The following IGSF11 variants were observed in gnomAD, a reference collection of about 807,000 sequenced individuals.
The protein encoded by IGSF11 is CXADR like 1.
Under a neutral mutation model 41.0 loss-of-function variants are expected in IGSF11, and 22 were observed. The observed-to-expected ratio is 0.54, with a 90% CI of 0.38 to 0.77. The LOEUF is 0.77. Ranked by LOEUF, IGSF11 falls within the 30% of genes least tolerant of loss-of-function variation. IGSF11 has a pLI of 0.00. For missense variants in IGSF11, 444 were observed against 530.8 expected (o/e 0.84, Z 1.61); for synonymous variants, 219 against 201.3 (o/e 1.09, Z -0.74).
At chr3:119,045,526 C>A (rs1209269616) in intron 1 of IGSF11, among the ~76,000 whole-genome samples, 2 of 152,162 alleles carry the variant, frequency 1.3e-5, no homozygotes, top group Non-Finnish European at 2.9e-5. Context: ...GCTAGCACAG[C>A]AGTCTGAGAT....
At chr3:119,056,799 G>C (rs1465540789) in intron 1 of IGSF11, among the ~76,000 whole-genome samples, 1 of 152,170 alleles carries the variant, frequency 6.6e-6, no homozygotes, top group Non-Finnish European at 1.5e-5. Flanking sequence ...TCATCCCTGG[G>C]ATGCAAGGCT....
At chr3:119,143,879 T>C (rs2077682489) in intron 1 of IGSF11, among the ~76,000 whole-genome samples, 1 of 152,210 alleles carries the variant, frequency 6.6e-6, no homozygotes, top group Non-Finnish European at 1.5e-5. Flanking sequence ...GTGCATTATA[T>C]ATTGATAAAA....
intron 4 of IGSF11, among the ~76,000 whole-genome samples, chr3:118,906,060 T>C (rs1014003502): frequency 2.0e-5 from 3 of 152,222 alleles, no homozygotes; most frequent in Non-Finnish European, 4.4e-5. Context: ...ATTCTAGTTC[T>C]GAGGAACTGC....
intron 1 of IGSF11, among the ~76,000 whole-genome samples, chr3:119,114,490 C>T (rs1352509556): frequency 1.3e-5 from 2 of 152,214 alleles, no homozygotes; most frequent in Non-Finnish European, 2.9e-5. Flanking sequence ...AGGGCAGAGG[C>T]ACAATGCCTC....
At chr3:119,078,066 A>T (rs2076529546) in intron 1 of IGSF11, among the ~76,000 whole-genome samples, 1 of 152,196 alleles carries the variant, frequency 6.6e-6, no homozygotes, top group African/African-American at 2.4e-5. Context: ...ACTAGAAAAC[A>T]TCGATATTAT....
At chr3:118,905,244 C>A (rs540989159) in intron 5 of IGSF11, among the ~76,000 whole-genome samples, 5 of 152,114 alleles carry the variant, frequency 3.3e-5, no homozygotes, top group Admixed American at 2.6e-4. Flanking sequence ...AACCTAGACA[C>A]CCCAAAATTT....
At chr3:119,128,013 A>G (rs138895146) in intron 1 of IGSF11, among the ~76,000 whole-genome samples, 5 of 152,324 alleles carry the variant, frequency 3.3e-5, no homozygotes, top group Non-Finnish European at 5.9e-5. Context: ...CAAAACAACC[A>G]AAGAGCATCA....
At chr3:119,117,415 G>C (rs1231831081) in intron 1 of IGSF11, among the ~76,000 whole-genome samples, 3 of 152,188 alleles carry the variant, frequency 2.0e-5, no homozygotes, top group African/African-American at 7.2e-5. Flanking sequence ...CAGGCAAAGA[G>C]AGCTTGTGCA....
At chr3:119,102,790 C>T (rs965327483) in intron 1 of IGSF11, among the ~76,000 whole-genome samples, 2 of 151,954 alleles carry the variant, frequency 1.3e-5, no homozygotes, top group African/African-American at 4.8e-5. Context: ...ATCTAGTTTT[C>T]TTTCGGCTTC....
At chr3:119,056,714 A>C (rs993950746) in intron 1 of IGSF11, among the ~76,000 whole-genome samples, 41 of 152,208 alleles carry the variant, frequency 2.7e-4, no homozygotes, top group African/African-American at 8.9e-4. Context: ...ATTCATGCAA[A>C]AAGTCTCAAT....
chr3:119,033,066 C>G (rs1368157382), intron 1 of IGSF11, among the ~76,000 whole-genome samples: 1 of 152,170 alleles, frequency 6.6e-6, no homozygotes, highest in Non-Finnish European at 1.5e-5. Context: ...AAGAACAAAT[C>G]AGATGACCTT....
chr3:119,059,207 A>ACC lies in IGSF11; in HGVS notation c.49+45935_49+45936dup, dbSNP rs1553723810. Among the ~76,000 whole-genome samples the ACC allele has an allele frequency of 8.5e-3, 1,226 of 144,602 alleles. 15 individuals are homozygous for ACC. Among genetic ancestry groups the ACC allele is most frequent in the African/African-American group, 0.029 (1,163 of 39,668 alleles). The allele number at this position is 144,602 out of a possible 152,430, so 94.9% of individuals were successfully genotyped here. On this transcript the variant is annotated intron_variant, in intron 1 of 6. Transcript: ENST00000354673. ...CACACACACACACACACACACACACACCACACCATGGAAACTACTCAGTCA... is the reference window on the plus strand; with the variant it reads ...CACACACACACACACACACACACACACCCCACACCATGGAAACTACTCAGTCA...
At chr3:119,019,877 T>C (rs749346767) in intron 1 of IGSF11, among the ~76,000 whole-genome samples, 6 of 152,098 alleles carry the variant, frequency 3.9e-5, no homozygotes, top group Non-Finnish European at 7.4e-5. Context: ...ATTCCTATGT[T>C]GAAACCTGAA....
intron 1 of IGSF11, among the ~76,000 whole-genome samples, chr3:119,125,164 G>T (rs1012570949): frequency 6.6e-6 from 1 of 152,224 alleles, no homozygotes; most frequent in African/African-American, 2.4e-5. Flanking sequence ...ATTCTAATGG[G>T]AGTACTTCAG....
intron 1 of IGSF11, among the ~76,000 whole-genome samples, chr3:118,962,838 T>C (rs552724558): frequency 3.6e-4 from 55 of 152,138 alleles, no homozygotes; most frequent in African/African-American, 1.1e-3. Flanking sequence ...GAAAAGCACC[T>C]AGACAAGGGA....
intron 1 of IGSF11, among the ~76,000 whole-genome samples, chr3:119,095,183 G>A (rs561096206): frequency 2.0e-5 from 3 of 152,240 alleles, no homozygotes; most frequent in African/African-American, 7.2e-5. Context: ...CACTTGGGAT[G>A]GTTCATGCTC....
intron 4 of IGSF11, among the ~76,000 whole-genome samples, chr3:118,917,527 G>A (rs1203611696): frequency 1.5e-5 from 2 of 132,780 alleles, no homozygotes; most frequent in African/African-American, 3.1e-5. Context: ...TACATTCCTC[G>A]ACACATACAC....
chr3:119,076,739 G>A lies in IGSF11; in HGVS notation c.49+28405C>T, dbSNP rs529722124. Among the ~76,000 whole-genome samples, 957 of 152,010 alleles carry A rather than the reference G, an allele frequency of 6.3e-3. 15 individuals are homozygous for A. The highest frequency in any genetic ancestry group is 0.021 in the African/African-American group (868 of 41,504). On this transcript the variant is annotated intron_variant, in intron 1 of 6. Coordinates refer to the IGSF11 transcript ENST00000354673. ...ACCATCTCACACCAGTTAGAATGGC[G>A]ATCATTAAAAAGTCAGGAAACAACA...
At chr3:119,129,379 AC>A (rs1443663702) in intron 1 of IGSF11, among the ~76,000 whole-genome samples, 1 of 152,234 alleles carries the variant, frequency 6.6e-6, no homozygotes, top group Non-Finnish European at 1.5e-5. Context: ...ATATTATAAC[AC>A]TATAACTGGG....
Sources: allele counts gnomAD v4.1 joint callset (sites outside exome capture counted in the v4.1 genomes callset), GRCh38; gene constraint gnomAD v4.1.1; transcripts MANE v1.5; gene names NCBI Gene and HGNC (gene_info 2026-07-23, HGNC 2026-07-21).